Variants in MCUR1 observed in about 807,000 individuals in gnomAD.
MCUR1 encodes mitochondrial calcium uniporter regulator 1.
Under a neutral mutation model 42.0 loss-of-function variants are expected in MCUR1, and 37 were observed. The ratio of observed to expected loss-of-function variants is 0.88; its 90% CI spans 0.68 to 1.16. MCUR1 has a LOEUF of 1.16. Among genes scored for constraint, MCUR1 ranks in the 50% most tolerant of loss-of-function variants. The pLI is 0.00. For synonymous variants in MCUR1, 229 were observed against 196.2 expected, an observed-to-expected ratio of 1.17 and a Z score of -1.40; for missense variants, 469 against 468.4, an observed-to-expected ratio of 1.00 and a Z score of -0.01.
intron 1 of MCUR1, among the ~76,000 whole-genome samples, chr6:13,813,328 G>C (rs2113485317): frequency 6.6e-6 from 1 of 152,120 alleles, no homozygotes; most frequent in Middle Eastern, 3.4e-3. Flanking sequence ...TTCACAACTG[G>C]AGACCCATTC....
intron 3 of MCUR1, among the ~76,000 whole-genome samples, chr6:13,801,710 T>C (rs1759993928): frequency 6.6e-6 from 1 of 152,076 alleles, no homozygotes; most frequent in Non-Finnish European, 1.5e-5. Context: ...ATTAGCCAGC[T>C]GTAGCAGTGC....
chr6:13,805,932 A>G (rs546469871), intron 2 of MCUR1, among the ~76,000 whole-genome samples: 4 of 152,316 alleles, frequency 2.6e-5, no homozygotes, highest in East Asian at 3.9e-4. Context: ...CTTAACAGCA[A>G]TAACGAAGAA....
chr6:13,805,351 A>G (rs1760093119), intron 2 of MCUR1, among the ~76,000 whole-genome samples: 1 of 152,180 alleles, frequency 6.6e-6, no homozygotes, highest in South Asian at 2.1e-4. Flanking sequence ...TAAATTCTGT[A>G]CTGAAAGAAG....
chr6:13,812,881 G>T (rs1051556672), intron 1 of MCUR1, among the ~76,000 whole-genome samples: 4 of 152,056 alleles, frequency 2.6e-5, no homozygotes, highest in Non-Finnish European at 4.4e-5. Context: ...CTAATAAATT[G>T]ATTCTATTTA....
intron 2 of MCUR1, among the ~76,000 whole-genome samples, chr6:13,806,562 C>T (rs1230203518): frequency 6.6e-6 from 1 of 152,126 alleles, no homozygotes; most frequent in African/African-American, 2.4e-5. Flanking sequence ...AAATGTCCTC[C>T]AGCAAAAAAT....
chr6:13,810,542 T>A (rs562442234), intron 1 of MCUR1, among the ~76,000 whole-genome samples: 1 of 152,328 alleles, frequency 6.6e-6, no homozygotes, highest in East Asian at 1.9e-4. Context: ...GGCCTCTGAA[T>A]GACCAGAAAG....
Position 13,814,008 on chromosome 6 carries a change from G to C in MCUR1, c.415+7C>G. The stretch of plus-strand genomic sequence containing the variant: ...GAGCCCCCTCTCCTCTCCCGCCCGG[G>C]CCTCACCTCTCCTGCAGGAAACGAG... On this transcript the variant is annotated splice_region_variant and intron_variant, in intron 1 of 8. Transcript: ENST00000379170. 1 of 1,232,828 alleles carries C rather than the reference G, an allele frequency of 8.1e-7. No individual in the cohort carries two copies. The highest frequency in any genetic ancestry group is 1.0e-6 in the Non-Finnish European group (1 of 987,978). The allele number at this position is 1,232,828 out of a possible 1,614,324, so 76.4% of individuals were successfully genotyped here.
chr6:13,807,219 T>G (rs746096450), intron 1 of MCUR1, among the ~76,000 whole-genome samples, 175 bp from the exon 2 acceptor site: 1 of 152,116 alleles, frequency 6.6e-6, no homozygotes, highest in Non-Finnish European at 1.5e-5. Flanking sequence ...TGGCATAGAG[T>G]TGTGCTACCA....
chr6:13,791,230 C>T (rs971486165), intron 8 of MCUR1, among the ~76,000 whole-genome samples: 1 of 152,158 alleles, frequency 6.6e-6, no homozygotes, highest in African/African-American at 2.4e-5. Context: ...GACTAGGTCT[C>T]GCTGTGTTGC....
chr6:13,801,175 CTGTT>C (rs1190314213), intron 4 of MCUR1, 109 bp downstream of exon 4: 1 of 746,464 alleles, frequency 1.3e-6, no homozygotes, highest in Non-Finnish European at 2.2e-6. Flanking sequence ...GAAGTGCACA[CTGTT>C]TGAAAATTCA....
chr6:13,789,936 C>A lies in MCUR1; in HGVS notation c.*873G>T, dbSNP rs532365840. On this transcript the variant is annotated 3_prime_UTR_variant, in exon 9 of 9. Transcript: ENST00000379170. Reference sequence around the variant, plus strand: ...TGGCTGGAAGGCACATTAAAAATAACCCTAACAATAACTTACCAAGACAAT... The same window carrying A: ...TGGCTGGAAGGCACATTAAAAATAAACCTAACAATAACTTACCAAGACAAT... The A allele has an allele frequency of 2.6e-5, 4 of 152,210 alleles. No homozygotes were observed. The East Asian group carries it at 7.7e-4, about 29-fold the overall frequency. 9.4% of individuals were successfully genotyped at this position (152,210 alleles called of 1,614,324 possible).
At chr6:13,794,635 T>G in intron 6 of MCUR1, among the ~76,000 whole-genome samples, 1 of 94,750 alleles carries the variant, frequency 1.1e-5, no homozygotes, top group Non-Finnish European at 2.0e-5. Flanking sequence ...CATCACATGT[T>G]GGGTTTTTTT....
intron 6 of MCUR1, among the ~76,000 whole-genome samples, chr6:13,796,204 G>C (rs956424682): frequency 3.3e-5 from 5 of 151,758 alleles, no homozygotes; most frequent in African/African-American, 1.2e-4. Context: ...TTTCTTATAA[G>C]AACACTGAAT....
chr6:13,807,139 G>A (rs781001890), intron 1 of MCUR1, 95 bp from the exon 2 acceptor site: 255 of 1,349,306 alleles, frequency 1.9e-4, no homozygotes, highest in Non-Finnish European at 2.4e-4. Context: ...CAAAGCCTTC[G>A]TGGTACTTTA....
chr6:13,812,933 AAAT>A (rs1465085452), intron 1 of MCUR1, among the ~76,000 whole-genome samples: 1 of 152,226 alleles, frequency 6.6e-6, no homozygotes, highest in East Asian at 1.9e-4. Flanking sequence ...CACCTCCTTT[AAAT>A]AGTCATGAGC....
Position 13,814,041 on chromosome 6 carries a change from G to A in MCUR1, c.389C>T (p.Ala130Val), listed in dbSNP as rs1420780908. 1 of 1,236,694 alleles carries A rather than the reference G, an allele frequency of 8.1e-7. No homozygotes were observed. The highest frequency in any genetic ancestry group is 1.0e-6 in the Non-Finnish European group (1 of 991,106). 76.6% of individuals were successfully genotyped at this position (1,236,694 alleles called of 1,614,324 possible). Residue 130 changes from alanine (A) to valine (V), a missense_variant, in exon 1 of 9, where the codon GCG (alanine) becomes GTG (valine). Physicochemically the swap from Ala to Val is moderately conservative, Grantham distance 64. Coordinates refer to ENST00000379170, the MANE Select transcript of MCUR1 (RefSeq NM_001031713.4). ...TCTCCTGCAGGAAACGAGTGCAGGC[G>A]CCGGGCCGTGGTACTGGGGAAGGGC... ...AGALPQYHGPAPALVSCRREL... is the reference protein window; with the variant it reads ...AGALPQYHGPVPALVSCRREL...
intron 1 of MCUR1, among the ~76,000 whole-genome samples, chr6:13,811,802 C>T (rs1384906920): frequency 6.6e-6 from 1 of 152,012 alleles, no homozygotes; most frequent in African/African-American, 2.4e-5. Context: ...TCACCCCCAC[C>T]CCCACATAAA....
intron 2 of MCUR1, chr6:13,804,201 TA>T: frequency 4.8e-6 from 1 of 208,554 alleles, no homozygotes; most frequent in South Asian, 5.2e-5. Context: ...TGCATGCCTG[TA>T]ATCCCAGCTA....
Position 13,802,309 on chromosome 6 carries a change from T to G in MCUR1, c.573A>C (p.Ala191=). The part of the protein sequence containing the change: ...ATQQAEIIVS[A]LVKILEANMD... ...TGTTGGCCTCCAGGATCTTGACCAA[T>G]GCAGACACAATGATTTCTGCTTGTT... is the stretch of plus-strand genomic sequence containing the variant. The change falls in exon 3 of 9, where the codon GCA becomes GCC. Residue 191 remains alanine, a synonymous_variant. Transcript: ENST00000379170. 2 of 1,613,854 alleles carry G rather than the reference T, an allele frequency of 1.2e-6. No individual in the cohort carries two copies. Among genetic ancestry groups the G allele is most frequent in the Non-Finnish European group, 1.7e-6 (2 of 1,179,830 alleles).
Sources: gnomAD v4.1 joint callset for allele counts (sites outside exome capture counted in the v4.1 genomes callset) on GRCh38, gnomAD v4.1.1 for gene constraint, MANE v1.5 for transcripts, NCBI Gene and HGNC (gene_info 2026-07-23, HGNC 2026-07-21) for gene names.